PATJ: variants seen among roughly 807,000 people sequenced by gnomAD.
PATJ encodes PATJ crumbs cell polarity complex component, also known as inaD-like protein.
Under a neutral mutation model 224.9 loss-of-function variants are expected in PATJ, and 190 were observed. The ratio of observed to expected loss-of-function variants is 0.84; its 90% CI spans 0.75 to 0.95. PATJ has a LOEUF of 0.95. Among genes scored for constraint, PATJ ranks in the 40% least tolerant of loss-of-function variants. The pLI, the probability that PATJ is intolerant of heterozygous loss-of-function variation, is 0.00. For synonymous variants in PATJ, 769 were observed against 820.3 expected (o/e 0.94, Z 1.07); for missense variants, 2,121 against 2,270.3 (o/e 0.93, Z 1.34).
At position 61,831,209 on chromosome 1, in the gene PATJ, A is replaced by C. The variant is rs372092111; in HGVS notation, c.1981-2445A>C. On this transcript the variant is annotated intron_variant, in intron 16 of 43. Transcript: ENST00000642238. Reference sequence around the variant, plus strand: ...TCTCAAAAAAAAAAAAAAAAAAGTAAAACCTAAAACTATAAAAACCCTGGA... The same window carrying C: ...TCTCAAAAAAAAAAAAAAAAAAGTACAACCTAAAACTATAAAAACCCTGGA... Among the ~76,000 whole-genome samples the C allele has an allele frequency of 2.0e-5, 3 of 151,884 alleles. No homozygotes were observed. In the East Asian group the frequency reaches 5.8e-4, roughly 29 times the overall value.
At chr1:61,883,779 A>G (rs1299903787) in intron 21 of PATJ, among the ~76,000 whole-genome samples, 2 of 148,040 alleles carry the variant, frequency 1.4e-5, no homozygotes, top group African/African-American at 2.5e-5. Context: ...AAAAAAAAGA[A>G]TGTAAAAGAA....
At chr1:61,940,828 T>A (rs1299026110) in intron 27 of PATJ, among the ~76,000 whole-genome samples, 1 of 152,148 alleles carries the variant, frequency 6.6e-6, no homozygotes, top group African/African-American at 2.4e-5. Flanking sequence ...TGGAAGTCAG[T>A]TTTTTTAAGT....
chr1:62,151,220 G>C (rs753929961), intron 42 of PATJ, among the ~76,000 whole-genome samples: 1 of 152,176 alleles, frequency 6.6e-6, no homozygotes, highest in Non-Finnish European at 1.5e-5. Context: ...AACTATGGAT[G>C]TCTGCTGTAA....
intron 27 of PATJ, among the ~76,000 whole-genome samples, chr1:61,946,463 C>G (rs868348829): frequency 6.6e-6 from 1 of 152,136 alleles, no homozygotes; most frequent in South Asian, 2.1e-4. Flanking sequence ...ACTAGAAAAT[C>G]TAGAAGAAAT....
At chr1:61,973,755 A>C (rs1683286481) in intron 27 of PATJ, among the ~76,000 whole-genome samples, 1 of 151,994 alleles carries the variant, frequency 6.6e-6, no homozygotes, top group South Asian at 2.1e-4. Flanking sequence ...ATTAAAATAT[A>C]CAACAAATGA....
At chr1:62,020,042 G>A (rs890891410) in intron 29 of PATJ, among the ~76,000 whole-genome samples, 2 of 151,912 alleles carry the variant, frequency 1.3e-5, no homozygotes, top group African/African-American at 2.4e-5. Context: ...GGTGGCATGT[G>A]CCCTGTAGTC....
intron 21 of PATJ, among the ~76,000 whole-genome samples, chr1:61,878,185 G>A (rs1667596919): frequency 6.6e-6 from 1 of 152,180 alleles, no homozygotes; most frequent in South Asian, 2.1e-4. Context: ...TGAAAACTCT[G>A]GTTTTAAGCC....
At chr1:61,817,221 A>G (rs900844935) in intron 14 of PATJ, among the ~76,000 whole-genome samples, 2 of 152,234 alleles carry the variant, frequency 1.3e-5, no homozygotes, top group African/African-American at 4.8e-5. Context: ...CAGATATATC[A>G]CATGGGCCAG....
At chr1:61,976,762 A>G (rs1644157502) in intron 27 of PATJ, among the ~76,000 whole-genome samples, 2 of 152,034 alleles carry the variant, frequency 1.3e-5, no homozygotes, top group African/African-American at 4.8e-5. Flanking sequence ...CATAAAGAGA[A>G]TAGTCAGCAA....
chr1:61,974,405 C>CTCTCT (rs1434777894), intron 27 of PATJ, among the ~76,000 whole-genome samples: 4 of 64,240 alleles, frequency 6.2e-5, no homozygotes, highest in African/African-American at 2.5e-4. Context: ...CTCTCTCTCT[C>CTCTCT]TTTTTTTTTT....
chr1:61,787,656 G>A, intron 7 of PATJ, 98 bp from the exon 8 acceptor site: 1 of 863,852 alleles, frequency 1.2e-6, no homozygotes, highest in South Asian at 1.6e-5. Context: ...TGGCTTCTTT[G>A]TCAGCCATTT....
chr1:61,819,307 A>T (rs1458575563), intron 14 of PATJ, among the ~76,000 whole-genome samples: 6 of 152,152 alleles, frequency 3.9e-5, no homozygotes, highest in Non-Finnish European at 8.8e-5. Context: ...CATTCCTTGG[A>T]TGTGTTTCCT....
chr1:62,100,547 C>T, intron 33 of PATJ: 1 of 577,900 alleles, frequency 1.7e-6, no homozygotes, highest in African/African-American at 1.9e-5. Context: ...CCTCTTAATA[C>T]TGTCACAATG....
chr1:61,976,265 C>T (rs79542647), intron 27 of PATJ, among the ~76,000 whole-genome samples: 1,725 of 152,094 alleles, frequency 0.011, 69 homozygotes, highest in African/African-American at 0.039. Flanking sequence ...TGAAGTGAGA[C>T]AGACCCAAAC....
chr1:61,981,512 A>G (rs1373039636), intron 27 of PATJ, among the ~76,000 whole-genome samples: 2 of 151,980 alleles, frequency 1.3e-5, no homozygotes, highest in African/African-American at 4.8e-5. Context: ...GTTTATCCAA[A>G]ATTTTATACA....
At chr1:61,819,678 A>G (rs1376600135) in intron 14 of PATJ, among the ~76,000 whole-genome samples, 1 of 152,142 alleles carries the variant, frequency 6.6e-6, no homozygotes, top group African/African-American at 2.4e-5. Context: ...CTGTGGTGTA[A>G]ATACTCCCAC....
chr1:61,842,766 A>AAAAAAAAAAAGGAAAAG (rs369151659), intron 17 of PATJ, among the ~76,000 whole-genome samples: 10 of 148,534 alleles, frequency 6.7e-5, no homozygotes, highest in Admixed American at 4.0e-4. Context: ...CAGCTATTAA[A>AAAAAAAAAAAGGAAAAG]AAAAAAAAGG....
At chr1:62,101,837 G>A (rs917575716) in intron 33 of PATJ, among the ~76,000 whole-genome samples, 4 of 152,116 alleles carry the variant, frequency 2.6e-5, no homozygotes, top group African/African-American at 9.7e-5. Flanking sequence ...CCCTTTCACT[G>A]ATTATGTTCT....
At chr1:61,859,880 A>T (rs2148928753) in intron 18 of PATJ, among the ~76,000 whole-genome samples, 1 of 152,256 alleles carries the variant, frequency 6.6e-6, no homozygotes, top group African/African-American at 2.4e-5. Context: ...TCGGCCTCCC[A>T]AAGTGCTGGG....
Sources: allele counts gnomAD v4.1 joint callset (sites outside exome capture counted in the v4.1 genomes callset), GRCh38; gene constraint gnomAD v4.1.1; transcripts MANE v1.5; gene names NCBI Gene and HGNC (gene_info 2026-07-23, HGNC 2026-07-21).